XKR4: variants seen among roughly 807,000 people sequenced by gnomAD.
XKR4 encodes XK related 4, also known as XK-related protein 4.
Under a neutral mutation model 53.9 loss-of-function variants are expected in XKR4, and 12 were observed. The observed-to-expected ratio is 0.22, with a 90% CI of 0.14 to 0.36. XKR4 has a LOEUF of 0.36. Ranked by LOEUF, XKR4 falls within the 10% of genes least tolerant of loss-of-function variation. The pLI, the probability that XKR4 is intolerant of heterozygous loss-of-function variation, is 1.00. For synonymous variants in XKR4, 354 were observed against 362.4 expected (o/e 0.98, Z 0.26); for missense variants, 799 against 859.5 (o/e 0.93, Z 0.88).
chr8:55,265,916 C>A (rs932149076), intron 1 of XKR4, among the ~76,000 whole-genome samples: 1 of 151,642 alleles, frequency 6.6e-6, no homozygotes, highest in Non-Finnish European at 1.5e-5. Context: ...ACCTGGGAGG[C>A]AGAGGTTGCA....
At chr8:55,137,555 T>C (rs1245796752) in intron 1 of XKR4, among the ~76,000 whole-genome samples, 1 of 151,552 alleles carries the variant, frequency 6.6e-6, no homozygotes, top group Non-Finnish European at 1.5e-5. Context: ...GAGGTTTAGA[T>C]GCTTCACAGA....
chr8:55,454,538 T>C, intron 2 of XKR4: 1 of 1,408,108 alleles, frequency 7.1e-7, no homozygotes, highest in Non-Finnish European at 9.8e-7. Context: ...CAGGCCACGC[T>C]GCAGCTGCTG....
intron 2 of XKR4, among the ~76,000 whole-genome samples, chr8:55,366,070 C>A (rs1179702046): frequency 6.6e-6 from 1 of 152,216 alleles, no homozygotes; most frequent in Non-Finnish European, 1.5e-5. Flanking sequence ...CCAAAAGCAG[C>A]GGCTGGCTGG....
chr8:55,425,733 G>A (rs1019337097), intron 2 of XKR4, among the ~76,000 whole-genome samples: 11 of 152,130 alleles, frequency 7.2e-5, no homozygotes, highest in African/African-American at 2.7e-4. Flanking sequence ...ACTGTGTCAA[G>A]CTCATTATCT....
At chr8:55,162,964 T>G (rs988080737) in intron 1 of XKR4, among the ~76,000 whole-genome samples, 1 of 152,218 alleles carries the variant, frequency 6.6e-6, no homozygotes, top group Non-Finnish European at 1.5e-5. Context: ...AAAATACATA[T>G]TATACAAATA....
chr8:55,471,737 C>T (rs1805887728), intron 2 of XKR4, among the ~76,000 whole-genome samples: 1 of 152,004 alleles, frequency 6.6e-6, no homozygotes, highest in African/African-American at 2.4e-5. Context: ...TAACACCATC[C>T]CCTTGGTGAT....
At chr8:55,522,399 T>C (rs1806810419) in intron 2 of XKR4, among the ~76,000 whole-genome samples, 2 of 152,314 alleles carry the variant, frequency 1.3e-5, no homozygotes, top group East Asian at 1.9e-4. Flanking sequence ...AGATAAAGGC[T>C]GTAGGAAGAG....
chr8:55,364,369 C>G (rs181393679), intron 2 of XKR4, among the ~76,000 whole-genome samples: 1 of 152,182 alleles, frequency 6.6e-6, no homozygotes, highest in Admixed American at 6.5e-5. Context: ...CTCATCATCG[C>G]GAGACTCCTA....
At chr8:55,497,816 C>T (rs1238396470) in intron 2 of XKR4, among the ~76,000 whole-genome samples, 13 of 152,314 alleles carry the variant, frequency 8.5e-5, no homozygotes, top group African/African-American at 2.4e-4. Flanking sequence ...AGATCCAAGC[C>T]GGATCCTGTC....
chr8:55,239,372 AC>A (rs751737970), intron 1 of XKR4, among the ~76,000 whole-genome samples: 1 of 152,154 alleles, frequency 6.6e-6, no homozygotes, highest in Non-Finnish European at 1.5e-5. Context: ...ACCATATGAT[AC>A]TTTTTTATAT....
At chr8:55,105,060 A>G (rs1161421265) in intron 1 of XKR4, among the ~76,000 whole-genome samples, 1 of 152,218 alleles carries the variant, frequency 6.6e-6, no homozygotes, top group Non-Finnish European at 1.5e-5. Context: ...AAATAATTCA[A>G]ATACTTCTCT....
At chr8:55,104,487 G>T (rs1016312885) in intron 1 of XKR4, among the ~76,000 whole-genome samples, 1 of 152,086 alleles carries the variant, frequency 6.6e-6, no homozygotes, top group Non-Finnish European at 1.5e-5. Context: ...TGACTATGCC[G>T]AAGTATCACC....
chr8:55,454,571 G>A (rs1805526534), intron 2 of XKR4: 1 of 1,438,854 alleles, frequency 6.9e-7, no homozygotes, highest in South Asian at 1.2e-5. Flanking sequence ...TCGGCCAGTG[G>A]AGTCTGGATG....
rs190008109 is a variant in XKR4 at position 55,479,181 on chromosome 8, G to A, written c.1007-44100G>A. ...CACTCCTCAGCAAATATAAAAGACA[G>A]AAATTATAACAAACTGTCTCTCAGA... On this transcript the variant is annotated intron_variant, in intron 2 of 2. Transcript: ENST00000327381. 1.2e-4 allele frequency among the ~76,000 whole-genome samples: 18 copies of A among 152,118 alleles called. No individual in the cohort carries two copies. In the East Asian group the frequency reaches 3.5e-3, roughly 29 times the overall value.
intron 2 of XKR4, among the ~76,000 whole-genome samples, chr8:55,456,755 G>T (rs1045443834): frequency 2.0e-5 from 3 of 151,912 alleles, no homozygotes; most frequent in Admixed American, 1.3e-4. Flanking sequence ...AATTTTTTTT[G>T]AATAAACATA....
chr8:55,500,278 T>C (rs1413337080), intron 2 of XKR4, among the ~76,000 whole-genome samples: 1 of 152,136 alleles, frequency 6.6e-6, no homozygotes, highest in Non-Finnish European at 1.5e-5. Context: ...TTTTCCTGGC[T>C]TTATTTTTTC....
intron 2 of XKR4, among the ~76,000 whole-genome samples, chr8:55,431,847 G>C (rs1805109751): frequency 6.6e-6 from 1 of 152,108 alleles, no homozygotes; most frequent in African/African-American, 2.4e-5. Flanking sequence ...CATTTGTTGG[G>C]GTTACTCAAC....
chr8:55,119,425 A>G (rs1816359679), intron 1 of XKR4, among the ~76,000 whole-genome samples: 1 of 152,198 alleles, frequency 6.6e-6, no homozygotes, highest in African/African-American at 2.4e-5. Flanking sequence ...TTAAGCAGAA[A>G]AAAAAAGGAA....
chr8:55,420,736 G>A (rs1804915296), intron 2 of XKR4, among the ~76,000 whole-genome samples: 1 of 151,622 alleles, frequency 6.6e-6, no homozygotes, highest in Non-Finnish European at 1.5e-5. Context: ...GTATACATAT[G>A]TAACTAACCT....
Sources: allele counts gnomAD v4.1 joint callset (sites outside exome capture counted in the v4.1 genomes callset), GRCh38; gene constraint gnomAD v4.1.1; transcripts MANE v1.5; gene names NCBI Gene and HGNC (gene_info 2026-07-23, HGNC 2026-07-21).